Variants in RBFOX1 observed in about 807,000 individuals in gnomAD.
The protein encoded by RBFOX1 is RNA binding protein fox-1 homolog 1.
Under a neutral mutation model 57.7 loss-of-function variants are expected in RBFOX1, and 8 were observed. That is an observed-to-expected ratio of 0.14 (90% CI 0.08 to 0.25). The LOEUF (loss-of-function observed/expected upper bound fraction) is 0.25, where lower values mean the gene tolerates loss of function less well. Ranked by LOEUF, RBFOX1 falls within the 10% of genes least tolerant of loss-of-function variation. The pLI is 1.00. For synonymous variants in RBFOX1, 326 were observed against 222.4 expected (o/e 1.47, Z -4.15); for missense variants, 611 against 548.5 (o/e 1.11, Z -1.14).
At chr16:6,527,660 A>G (rs1006527676) in intron 2 of RBFOX1, among the ~76,000 whole-genome samples, 1 of 152,094 alleles carries the variant, frequency 6.6e-6, no homozygotes, top group Non-Finnish European at 1.5e-5. Flanking sequence ...GATTGTGTTC[A>G]AAGCCACATA....
intron 4 of RBFOX1, among the ~76,000 whole-genome samples, chr16:7,089,776 C>G (rs1220599972): frequency 6.6e-6 from 1 of 152,098 alleles, no homozygotes; most frequent in African/African-American, 2.4e-5. Flanking sequence ...TTTCTATTTT[C>G]TTCTCTCAGA....
At chr16:5,495,317 C>T (rs757906609) in intron 2 of RBFOX1, among the ~76,000 whole-genome samples, 4 of 152,334 alleles carry the variant, frequency 2.6e-5, no homozygotes, top group Non-Finnish European at 4.4e-5. Context: ...ATTCTCGAAT[C>T]TTGCCTCTTG....
At chr16:6,600,549 A>G (rs537748860) in intron 2 of RBFOX1, among the ~76,000 whole-genome samples, 6 of 152,358 alleles carry the variant, frequency 3.9e-5, no homozygotes, top group African/African-American at 1.4e-4. Flanking sequence ...CGCTGTGGTG[A>G]TTATAAGATG....
intron 3 of RBFOX1, among the ~76,000 whole-genome samples, chr16:5,708,387 G>T (rs184117525): frequency 1.1e-3 from 164 of 152,276 alleles, no homozygotes; most frequent in African/African-American, 3.3e-3. Context: ...TCCTTTGATA[G>T]TTCAATCAAA....
intron 14 of RBFOX1, among the ~76,000 whole-genome samples, chr16:7,707,817 T>G (rs747197651): frequency 1.3e-5 from 2 of 152,168 alleles, no homozygotes. Context: ...GACGTTGCGT[T>G]TTTTTTCCCC....
chr16:6,488,533 G>C lies in RBFOX1; in HGVS notation c.-63-166070G>C, dbSNP rs554646360. On this transcript the variant is annotated intron_variant, in intron 2 of 15. Transcript: ENST00000550418. ...TAGGTATTACCATGCCTAATTTAGAGATGGAGAAACAATTTTCAAGACTTT... is the reference window on the plus strand; with the variant it reads ...TAGGTATTACCATGCCTAATTTAGACATGGAGAAACAATTTTCAAGACTTT... Among the ~76,000 whole-genome samples, 10 of 152,288 alleles carry C rather than the reference G, an allele frequency of 6.6e-5. No homozygotes were observed. In the East Asian group the frequency reaches 1.9e-3, roughly 29 times the overall value.
At chr16:5,447,996 C>A (rs1039604789) in intron 1 of RBFOX1, among the ~76,000 whole-genome samples, 1 of 152,160 alleles carries the variant, frequency 6.6e-6, no homozygotes, top group Non-Finnish European at 1.5e-5. Flanking sequence ...TCAGCTCTCA[C>A]TTCCTGTTTA....
intron 1 of RBFOX1, among the ~76,000 whole-genome samples, chr16:6,085,514 G>C (rs372956947): frequency 6.6e-6 from 1 of 152,280 alleles, no homozygotes; most frequent in African/African-American, 2.4e-5. Flanking sequence ...CAGGTGATCT[G>C]CCCGCCTCGG....
chr16:7,152,083 C>G (rs2076216974), intron 4 of RBFOX1, among the ~76,000 whole-genome samples: 1 of 152,140 alleles, frequency 6.6e-6, no homozygotes, highest in African/African-American at 2.4e-5. Flanking sequence ...TGTATTGAAG[C>G]AAAGCAAAAC....
At chr16:6,516,325 A>C (rs1179244067) in intron 2 of RBFOX1, among the ~76,000 whole-genome samples, 1 of 152,198 alleles carries the variant, frequency 6.6e-6, no homozygotes, top group African/African-American at 2.4e-5. Context: ...AGTTTAGATA[A>C]GCTGCTATCT....
chr16:7,514,019 T>G (rs1419904319), intron 4 of RBFOX1, among the ~76,000 whole-genome samples: 1 of 152,192 alleles, frequency 6.6e-6, no homozygotes, highest in Non-Finnish European at 1.5e-5. Flanking sequence ...CTGCTTTATT[T>G]CCTGCCCAAA....
chr16:5,694,770 A>G (rs1276639101), intron 3 of RBFOX1, among the ~76,000 whole-genome samples: 1 of 150,030 alleles, frequency 6.7e-6, no homozygotes, highest in Non-Finnish European at 1.5e-5. Context: ...CTTCTGCTTG[A>G]TTTTCCTTTT....
At chr16:7,279,630 C>G (rs1458612025) in intron 4 of RBFOX1, among the ~76,000 whole-genome samples, 2 of 152,188 alleles carry the variant, frequency 1.3e-5, no homozygotes, top group Non-Finnish European at 2.9e-5. Context: ...GGAGGGATGG[C>G]CTGGCATGGA....
intron 4 of RBFOX1, among the ~76,000 whole-genome samples, chr16:7,189,841 A>G (rs775053419): frequency 4.6e-5 from 7 of 152,170 alleles, no homozygotes; most frequent in Non-Finnish European, 8.8e-5. Context: ...TCTGTTCACC[A>G]TTGTACATCT....
At chr16:7,167,866 C>A (rs1601679364) in intron 4 of RBFOX1, among the ~76,000 whole-genome samples, 2 of 152,138 alleles carry the variant, frequency 1.3e-5, no homozygotes, top group South Asian at 4.1e-4. Flanking sequence ...TGGCCCTCTG[C>A]GAAAAAAGTG....
chr16:5,587,264 G>A (rs66985907), intron 2 of RBFOX1, among the ~76,000 whole-genome samples: 6,200 of 152,238 alleles, frequency 0.041, 155 homozygotes, highest in Middle Eastern at 0.058. Context: ...TAAAAAATGG[G>A]CAAAGTGTCC....
chr16:7,598,476 C>T (rs1181275372), intron 9 of RBFOX1, among the ~76,000 whole-genome samples: 1 of 151,716 alleles, frequency 6.6e-6, no homozygotes, highest in African/African-American at 2.4e-5. Flanking sequence ...TTTAATTGCA[C>T]ATGGAGATAC....
intron 3 of RBFOX1, among the ~76,000 whole-genome samples, chr16:7,042,320 G>C (rs1165157088): frequency 6.6e-6 from 1 of 152,084 alleles, no homozygotes; most frequent in African/African-American, 2.4e-5. Flanking sequence ...GGTTTTGTTT[G>C]GTTTACCTGA....
At chr16:6,316,683 G>A (rs886342072) in intron 1 of RBFOX1, among the ~76,000 whole-genome samples, 2 of 152,112 alleles carry the variant, frequency 1.3e-5, no homozygotes, top group African/African-American at 2.4e-5. Context: ...TGACTTGCCC[G>A]AGTTCAAATT....
Sources: gnomAD v4.1 joint callset for allele counts (sites outside exome capture counted in the v4.1 genomes callset) on GRCh38, gnomAD v4.1.1 for gene constraint, MANE v1.5 for transcripts, NCBI Gene and HGNC (gene_info 2026-07-23, HGNC 2026-07-21) for gene names.